Variants in CDIP1 observed in about 807,000 individuals in gnomAD.
CDIP1 encodes the protein cell death-inducing p53-target protein 1.
In CDIP1, 9 loss-of-function variants were observed where a neutral mutation model predicts 17.7. The observed-to-expected ratio is 0.51, with a 90% CI of 0.31 to 0.89. CDIP1 has a LOEUF of 0.89. Ranked by LOEUF, CDIP1 falls within the 40% of genes least tolerant of loss-of-function variation. CDIP1 has a pLI of 0.05. For synonymous variants in CDIP1, 117 were observed against 109.5 expected (o/e 1.07, Z -0.43); for missense variants, 263 against 277.9 (o/e 0.95, Z 0.38).
chr16:4,515,578 CTCAAT>C (rs972870937), intron 1 of CDIP1, among the ~76,000 whole-genome samples: 258 of 152,290 alleles, frequency 1.7e-3, no homozygotes, highest in African/African-American at 6.0e-3. Flanking sequence ...AAGAACTCAA[CTCAAT>C]AACAGAAAGA....
chr16:4,515,875 C>T lies in CDIP1; in HGVS notation c.-104-1211G>A, dbSNP rs184078480. Among the ~76,000 whole-genome samples, 43 of 152,232 alleles carry T rather than the reference C, an allele frequency of 2.8e-4. 1 individual carries two copies. Among genetic ancestry groups the T allele is most frequent in the African/African-American group, 6.7e-4 (28 of 41,548 alleles). On this transcript the variant is annotated intron_variant, in intron 1 of 5. Transcript: ENST00000567695. ...CTTTTGAGGAACAGTCTGGCAGTTCCTCAAAAGGTTAAACCTAGAGTTACC... is the reference window on the plus strand; with the variant it reads ...CTTTTGAGGAACAGTCTGGCAGTTCTTCAAAAGGTTAAACCTAGAGTTACC...
chr16:4,538,081 C>A (rs949408313), intron 1 of CDIP1, among the ~76,000 whole-genome samples: 46 of 152,304 alleles, frequency 3.0e-4, no homozygotes, highest in African/African-American at 1.1e-3. Context: ...TCCCACCCCT[C>A]CCCTCCCCGT....
chr16:4,530,223 G>A (rs1449479457), intron 1 of CDIP1, among the ~76,000 whole-genome samples: 1 of 152,212 alleles, frequency 6.6e-6, no homozygotes, highest in African/African-American at 2.4e-5. Context: ...TACATTAGAT[G>A]CAACAGTATA....
At chr16:4,520,988 T>C (rs185833232) in intron 1 of CDIP1, among the ~76,000 whole-genome samples, 1 of 152,322 alleles carries the variant, frequency 6.6e-6, no homozygotes, top group East Asian at 1.9e-4. Flanking sequence ...ACATACTTCA[T>C]GTGTGCCTCA....
At chr16:4,521,100 G>A (rs2058942141) in intron 1 of CDIP1, among the ~76,000 whole-genome samples, 1 of 152,116 alleles carries the variant, frequency 6.6e-6, no homozygotes, top group African/African-American at 2.4e-5. Flanking sequence ...GTGTGTGTGT[G>A]TGTGTGTGTA....
chr16:4,522,511 G>A (rs1257290424), intron 1 of CDIP1: 3 of 152,286 alleles, frequency 2.0e-5, no homozygotes, highest in African/African-American at 4.8e-5. Flanking sequence ...CAGGAACAGG[G>A]CTTTCTGCTT....
At chr16:4,523,927 G>C (rs1301943582) in intron 1 of CDIP1, 1 of 152,292 alleles carries the variant, frequency 6.6e-6, no homozygotes, top group African/African-American at 2.4e-5. Flanking sequence ...AGGATGACAA[G>C]GCCAGCTGGA....
rs893617821 is a variant in CDIP1, at chr16:4,513,121, C to T, written c.242-57G>A. ...TCACTGGCCTGCCACCTGCACCAGACAAAGAGATTGGCGCAAAGCCCCACG... is the reference window on the plus strand; with the variant it reads ...TCACTGGCCTGCCACCTGCACCAGATAAAGAGATTGGCGCAAAGCCCCACG... On this transcript the variant is annotated intron_variant, in intron 4 of 5. Transcript: ENST00000567695. This position sits in a 1 kb window ranked among gnomAD's most constrained non-coding sequence, Gnocchi z 4.1. 6.7e-7 allele frequency: 1 copy of T among 1,486,302 alleles called. No homozygotes were observed. Among genetic ancestry groups the T allele is most frequent in the Non-Finnish European group, 8.9e-7 (1 of 1,119,510 alleles). The allele number at this position is 1,486,302 out of a possible 1,614,324, so 92.1% of individuals were successfully genotyped here. A position where few individuals can be genotyped will look rare whatever the true frequency, so the allele number is the denominator to read the frequency against.
chr16:4,533,186 C>G (rs1446503388), intron 1 of CDIP1: 1 of 152,258 alleles, frequency 6.6e-6, no homozygotes, highest in East Asian at 1.9e-4. Context: ...GGTGCTCCAG[C>G]AGAGAAAAGG....
intron 1 of CDIP1, among the ~76,000 whole-genome samples, chr16:4,538,126 A>G (rs1189922386): frequency 1.3e-5 from 2 of 151,726 alleles, no homozygotes; most frequent in Admixed American, 1.3e-4. Flanking sequence ...AATTTCCACA[A>G]CCTTCCCTGA....
At chr16:4,518,610 G>A (rs903783822) in intron 1 of CDIP1, among the ~76,000 whole-genome samples, 3 of 152,102 alleles carry the variant, frequency 2.0e-5, no homozygotes, top group Non-Finnish European at 4.4e-5. Flanking sequence ...GAGACTGCAG[G>A]GCAGGTCCTT....
At chr16:4,529,392 C>G (rs936058804) in intron 1 of CDIP1, among the ~76,000 whole-genome samples, 1 of 152,212 alleles carries the variant, frequency 6.6e-6, no homozygotes, top group Non-Finnish European at 1.5e-5. Flanking sequence ...CAGCCCCGGC[C>G]TCCCAACTCG....
In CDIP1 at chr16:4,513,203, G is replaced by A. The variant is rs142517665; in HGVS notation, c.242-139C>T. On this transcript the variant is annotated intron_variant, in intron 4 of 5. Transcript: ENST00000567695. This position sits in a 1 kb window ranked among gnomAD's most constrained non-coding sequence, Gnocchi z 4.1. ...TCAGACCTCCTACCGCCCTCCTAAC[G>A]GGCCAGTGGGAGGCCTTACAGCTGG... The A allele has an allele frequency of 1.8e-4, 162 of 891,184 alleles. No individual in the cohort carries two copies. Among genetic ancestry groups the A allele is most frequent in the African/African-American group, 1.6e-3 (96 of 59,442 alleles). The allele number at this position is 891,184 out of a possible 1,614,324, so 55.2% of individuals were successfully genotyped here. A position where few individuals can be genotyped will look rare whatever the true frequency, so the allele number is the denominator to read the frequency against.
intron 1 of CDIP1, among the ~76,000 whole-genome samples, chr16:4,527,966 G>A (rs948939624): frequency 6.6e-6 from 1 of 152,064 alleles, no homozygotes; most frequent in Non-Finnish European, 1.5e-5. Context: ...ACACGCACCC[G>A]CCACTAAGCC....
intron 1 of CDIP1, among the ~76,000 whole-genome samples, chr16:4,517,793 G>C (rs552349235): frequency 6.6e-6 from 1 of 152,172 alleles, no homozygotes; most frequent in East Asian, 1.9e-4. Flanking sequence ...TGCCTCTTGG[G>C]GCTGGTCCTG....
chr16:4,523,952 C>G (rs1352533624), intron 1 of CDIP1: 1 of 152,280 alleles, frequency 6.6e-6, no homozygotes, highest in East Asian at 1.9e-4. Context: ...GTCCCAGGCC[C>G]TTCTCCTCAG....
rs1216900097 is a variant in CDIP1, at chr16:4,514,371, CA to C, written c.-15+203del. Among the ~76,000 whole-genome samples the C allele has an allele frequency of 2.0e-5, 3 of 152,188 alleles. No individual in the cohort carries two copies. Among genetic ancestry groups the C allele is most frequent in the African/African-American group, 4.8e-5 (2 of 41,430 alleles). On this transcript the variant is annotated intron_variant, in intron 2 of 5. Transcript: ENST00000567695. This position sits in a 1 kb window ranked among gnomAD's most constrained non-coding sequence, Gnocchi z 5.2. ...TCTTCCCTGTTTGGAAGCTGAAGGG[CA>C]AGGACAGAACCCAGGAAGCAGGGCC...
intron 1 of CDIP1, among the ~76,000 whole-genome samples, chr16:4,518,757 A>G (rs2058913962): frequency 6.6e-6 from 1 of 152,272 alleles, no homozygotes; most frequent in Non-Finnish European, 1.5e-5. Flanking sequence ...AATAAAAACT[A>G]CAAGAATAAT....
At chr16:4,531,899 C>G (rs1046025091) in intron 1 of CDIP1, among the ~76,000 whole-genome samples, 3 of 152,256 alleles carry the variant, frequency 2.0e-5, no homozygotes, top group Admixed American at 2.0e-4. Flanking sequence ...GGACAAAAAG[C>G]TGAAGTGGCA....
Sources: gnomAD v4.1 joint callset for allele counts (sites outside exome capture counted in the v4.1 genomes callset) on GRCh38, gnomAD v4.1.1 for gene constraint, Gnocchi (gnomAD v3.1) non-coding constraint, MANE v1.5 for transcripts, NCBI Gene and HGNC (gene_info 2026-07-23, HGNC 2026-07-21) for gene names.